ZNF3: variants seen among roughly 807,000 people sequenced by gnomAD.
The protein encoded by ZNF3 is zinc finger protein 3.
A neutral mutation model predicts 36.9 loss-of-function variants in ZNF3; 16 were observed. That is an observed-to-expected ratio of 0.43 (90% CI 0.29 to 0.66). The LOEUF is 0.66. ZNF3 is among the 30% of genes least tolerant of loss of function. ZNF3 has a pLI of 0.13. For synonymous variants in ZNF3, 201 were observed against 201.9 expected, an observed-to-expected ratio of 1.00 and a Z score of 0.04; for missense variants, 462 against 543.1, an observed-to-expected ratio of 0.85 and a Z score of 1.48.
In ZNF3 at chr7:100,071,984, C is replaced by T. The variant is rs766189572; in HGVS notation, c.500G>A (p.Arg167Lys). ...ATTATATTTCTCGCTTCTCTCTCCCCTGGGGGTTAGCTTCTCCTCAACTGT... is the reference window on the plus strand; with the variant it reads ...ATTATATTTCTCGCTTCTCTCTCCCTTGGGGGTTAGCTTCTCCTCAACTGT... ...QVTVEEKLTP[R>K]GERSEKYNDF... Residue 167 changes from arginine to lysine, a missense_variant, in exon 6 of 6, where the codon AGG becomes AAG. Transcript: ENST00000299667. 4.1e-5 allele frequency: 66 copies of T among 1,613,972 alleles called. No individual in the cohort carries two copies. Among genetic ancestry groups the T allele is most frequent in the Non-Finnish European group, 3.9e-5 (46 of 1,179,996 alleles).
intron 1 of ZNF3, among the ~76,000 whole-genome samples, chr7:100,080,686 G>C (rs767213260): frequency 1.5e-4 from 23 of 152,150 alleles, no homozygotes; most frequent in African/African-American, 5.3e-4. Context: ...GGTGGCGGGC[G>C]CCTGTAGTCC....
At chr7:100,079,490 CGA>C (rs1379149837) in intron 2 of ZNF3, 44 bp downstream of exon 2, 1 of 152,112 alleles carries the variant, frequency 6.6e-6, no homozygotes, top group Non-Finnish European at 1.5e-5. Flanking sequence ...CCGTGGGGAC[CGA>C]GATAGATGGC....
At chr7:100,068,052 C>T (rs537759875), downstream of ZNF3, among the ~76,000 whole-genome samples, 1 of 152,166 alleles carries the variant, frequency 6.6e-6, no homozygotes, top group African/African-American at 2.4e-5. Flanking sequence ...TGGAGACCCA[C>T]GACTGAGGCT....
Position 100,075,183 on chromosome 7 carries a change from G to A in ZNF3, c.223C>T (p.Leu75Phe), listed in dbSNP as rs778837769. 1.2e-6 allele frequency: 2 copies of A among 1,614,184 alleles called. No homozygotes were observed. Among genetic ancestry groups the A allele is most frequent in the Admixed American group, 1.7e-5 (1 of 60,012 alleles). ...WKRLEPAQRD[L>F]YRDVMLENYG... The stretch of plus-strand genomic sequence containing the variant: ...TTCTCCAGCATCACATCTCTATAGA[G>A]GTCCCTCTGAGCAGGTTCCAAACGC... The change falls in exon 5 of 6, where the codon CTC (leucine) becomes TTC (phenylalanine). Residue 75 changes from leucine (L) to phenylalanine (F), a missense_variant. Coordinates refer to ENST00000299667, the MANE Select transcript of ZNF3 (RefSeq NM_032924.5).
chr7:100,075,877 A>G (rs1309057810), intron 3 of ZNF3, among the ~76,000 whole-genome samples: 1 of 152,172 alleles, frequency 6.6e-6, no homozygotes, highest in Admixed American at 6.5e-5. Flanking sequence ...AGTCTGTCCC[A>G]GGTCCCCTCT....
At chr7:100,065,057 T>G (rs770562028), downstream of ZNF3, 7 of 1,030,468 alleles carry the variant, frequency 6.8e-6, no homozygotes, top group Non-Finnish European at 9.7e-6. Context: ...AGGACTATTA[T>G]TATAACAAAT....
rs1282026747 is a variant in ZNF3, at chr7:100,071,668, A to C, written c.816T>G (p.Ile272Met). The C allele has an allele frequency of 6.2e-7, 1 of 1,613,740 alleles. No individual in the cohort carries two copies. Among genetic ancestry groups the C allele is most frequent in the African/African-American group, 1.3e-5 (1 of 74,880 alleles). Reference sequence around the variant, plus strand: ...CCCCCGTGTGGATCCTCCGATGCAGAATGAGGGCAGAGCTACAGCTGAAGG... The same window carrying C: ...CCCCCGTGTGGATCCTCCGATGCAGCATGAGGGCAGAGCTACAGCTGAAGG... ...GKTFSCSSAL[I>M]LHRRIHTGEK... Residue 272 changes from isoleucine (I) to methionine (M), a missense_variant, in exon 6 of 6, where the codon ATT (isoleucine) becomes ATG (methionine). By Grantham distance (10) the Ile-to-Met change is conservative. Transcript: ENST00000299667.
chr7:100,064,728 C>T (rs1427177814), exon 6 of ZNF3: 1 of 1,612,170 alleles, frequency 6.2e-7, no homozygotes, highest in Non-Finnish European at 8.5e-7. Flanking sequence ...TTGTATCACT[C>T]AACATCAGGG....
chr7:100,069,916 A>G (rs188972350), downstream of ZNF3: 11 of 984,692 alleles, frequency 1.1e-5, 1 homozygote, highest in Admixed American at 6.1e-4. Flanking sequence ...CCCAGCCAAC[A>G]TGTCTTGTTT....
chr7:100,075,489 A>G, intron 4 of ZNF3, 53 bp downstream of exon 4: 18 of 1,600,288 alleles, frequency 1.1e-5, no homozygotes, highest in Non-Finnish European at 1.5e-5. Flanking sequence ...TCTGAATGGG[A>G]TGTCATTGCA....
At chr7:100,064,924 A>G (rs1311369287) in intron 5 of ZNF3, 2 of 1,612,546 alleles carry the variant, frequency 1.2e-6, no homozygotes, top group East Asian at 4.5e-5. Flanking sequence ...TAGTTAAGGA[A>G]GAAACATTAA....
At chr7:100,067,305 G>A (rs751103770), downstream of ZNF3, among the ~76,000 whole-genome samples, 2 of 152,204 alleles carry the variant, frequency 1.3e-5, no homozygotes, top group Non-Finnish European at 2.9e-5. Context: ...TAACATAGGT[G>A]TTTGGTTCTC....
intron 5 of ZNF3, 136 bp downstream of exon 5, chr7:100,074,999 C>T: frequency 8.8e-7 from 1 of 1,138,488 alleles, no homozygotes; most frequent in Non-Finnish European, 1.2e-6. Flanking sequence ...GGATGTTGCA[C>T]TGAGCAAAGA....
chr7:100,073,881 C>T (rs1051576135), intron 5 of ZNF3, among the ~76,000 whole-genome samples: 2 of 151,788 alleles, frequency 1.3e-5, no homozygotes, highest in African/African-American at 2.4e-5. Context: ...TTTGGCCAGG[C>T]GCGGTGGCTC....
chr7:100,080,243 T>C (rs1034416029), intron 1 of ZNF3, among the ~76,000 whole-genome samples: 4 of 152,214 alleles, frequency 2.6e-5, no homozygotes, highest in African/African-American at 9.6e-5. Context: ...GGGATCCACA[T>C]TGCACAGCTG....
At chr7:100,075,060 T>C in intron 5 of ZNF3, 75 bp downstream of exon 5, 1 of 1,514,750 alleles carries the variant, frequency 6.6e-7, no homozygotes, top group Non-Finnish European at 8.8e-7. Context: ...CTCTTTTCAG[T>C]GACTAGATTG....
intron 4 of ZNF3, 76 bp from the exon 5 acceptor site, chr7:100,075,337 G>A (rs1474472465): frequency 6.2e-7 from 1 of 1,611,652 alleles, no homozygotes. Context: ...CACTGAGGAT[G>A]GGGTGAAAAA....
Position 100,071,045 on chromosome 7 carries a change from G to C in ZNF3, c.*98C>G. 1 of 1,498,874 alleles carries C rather than the reference G, an allele frequency of 6.7e-7. No individual in the cohort carries two copies. The highest frequency in any genetic ancestry group is 8.9e-7 in the Non-Finnish European group (1 of 1,126,400). 92.8% of individuals were successfully genotyped at this position (1,498,874 alleles called of 1,614,324 possible). ...CCCCATTCTCTAAAATGAAAAGTCT[G>C]AGTTGAAAGGGACACATCCTAAGCT... On this transcript the variant is annotated 3_prime_UTR_variant, in exon 6 of 6. Transcript: ENST00000299667.
chr7:100,066,574 CAAAAA>C (rs34132820), downstream of ZNF3, among the ~76,000 whole-genome samples: 1 of 143,418 alleles, frequency 7.0e-6, no homozygotes, highest in African/African-American at 2.6e-5. Flanking sequence ...ACTAAAAATA[CAAAAA>C]AAAAAAAATT....
Sources: allele counts gnomAD v4.1 joint callset (sites outside exome capture counted in the v4.1 genomes callset), GRCh38; gene constraint gnomAD v4.1.1; transcripts MANE v1.5; gene names NCBI Gene and HGNC (gene_info 2026-07-23, HGNC 2026-07-21).